MDFIC2: variants seen among roughly 807,000 people sequenced by gnomAD.
MDFIC2 encodes the protein MyoD family inhibitor domain containing 2, also known as myoD family inhibitor domain-containing protein 2.
At position 70,197,095 on chromosome 3, in the gene MDFIC2, G is replaced by T; in HGVS notation, c.401C>A (p.Thr134Asn). 2.5e-6 allele frequency: 1 copy of T among 398,562 alleles called. No homozygotes were observed. The allele number at this position is 398,562 out of a possible 1,614,324, so 24.7% of individuals were successfully genotyped here. The change falls in exon 4 of 4, where the codon ACC becomes AAC. Residue 134 changes from threonine (T) to asparagine (N), a missense_variant. Coordinates refer to ENST00000567252, the MANE Select transcript of MDFIC2 (RefSeq NM_001364677.1). ...CCGGCGAGAGGGGCAGCACATTTTG[G>T]TACACACCGTTTCGCAGGTGCCGGG... Reference protein sequence around the residue: ...MLPGTCETVCTKMCCPSRRYH... With the variant: ...MLPGTCETVCNKMCCPSRRYH...
chr3:70,229,103 T>G (rs969676524), intron 2 of MDFIC2, among the ~76,000 whole-genome samples: 1 of 152,208 alleles, frequency 6.6e-6, no homozygotes, highest in African/African-American at 2.4e-5. Flanking sequence ...TGAGGAAGAA[T>G]AGAAAGGATG....
intron 2 of MDFIC2, among the ~76,000 whole-genome samples, chr3:70,288,467 C>G (rs1158557974): frequency 2.6e-5 from 4 of 151,184 alleles, no homozygotes; most frequent in Non-Finnish European, 4.4e-5. Flanking sequence ...CTGAGGAGAA[C>G]TTTACTTCCA....
At chr3:70,250,895 G>A (rs1701759027) in intron 2 of MDFIC2, among the ~76,000 whole-genome samples, 1 of 152,078 alleles carries the variant, frequency 6.6e-6, no homozygotes, top group Admixed American at 6.6e-5. Flanking sequence ...AAAATATATA[G>A]TACATTTGGC....
chr3:70,302,384 T>A (rs892259024), intron 2 of MDFIC2, among the ~76,000 whole-genome samples: 1 of 152,156 alleles, frequency 6.6e-6, no homozygotes, highest in African/African-American at 2.4e-5. Context: ...AAGTAAAGTA[T>A]CTCTTTGTAG....
At chr3:70,272,706 A>G (rs1015097) in intron 2 of MDFIC2, among the ~76,000 whole-genome samples, 59,398 of 152,120 alleles carry the variant, frequency 0.39, 11,902 homozygotes, top group East Asian at 0.61. Context: ...GATTTTAGAT[A>G]GAGTACATTG....
chr3:70,216,997 T>C (rs1270683224), intron 2 of MDFIC2, among the ~76,000 whole-genome samples: 1 of 152,160 alleles, frequency 6.6e-6, no homozygotes, highest in African/African-American at 2.4e-5. Flanking sequence ...TTTAATCTCA[T>C]AGCCCTGATC....
At chr3:70,303,446 G>A (rs570608899) in intron 2 of MDFIC2, among the ~76,000 whole-genome samples, 96 of 152,222 alleles carry the variant, frequency 6.3e-4, no homozygotes, top group Admixed American at 1.9e-3. Context: ...CAGAAGTGGC[G>A]ATCTGAATGT....
At chr3:70,206,423 T>G (rs1701291286) in intron 3 of MDFIC2, 146 bp downstream of exon 3, 1 of 393,070 alleles carries the variant, frequency 2.5e-6, no homozygotes, top group South Asian at 1.4e-4. Flanking sequence ...CCTTGACATA[T>G]GTCATTCACC....
chr3:70,207,270 CAT>C (rs1055604927), intron 2 of MDFIC2, among the ~76,000 whole-genome samples: 4 of 151,986 alleles, frequency 2.6e-5, no homozygotes, highest in African/African-American at 9.7e-5. Context: ...AAGAAAAATG[CAT>C]ATAAATGAAT....
chr3:70,226,701 C>T (rs1446872694), intron 2 of MDFIC2, among the ~76,000 whole-genome samples: 1 of 149,210 alleles, frequency 6.7e-6, no homozygotes, highest in East Asian at 2.0e-4. Flanking sequence ...TCGTGCCACT[C>T]CACTCCAGCC....
intron 2 of MDFIC2, among the ~76,000 whole-genome samples, chr3:70,242,083 C>A (rs1334868740): frequency 6.6e-6 from 1 of 152,088 alleles, no homozygotes; most frequent in East Asian, 1.9e-4. Flanking sequence ...AGGGTAAGGG[C>A]CAATGATGTG....
At chr3:70,210,460 T>C (rs1160866215) in intron 2 of MDFIC2, among the ~76,000 whole-genome samples, 1 of 152,104 alleles carries the variant, frequency 6.6e-6, no homozygotes, top group Non-Finnish European at 1.5e-5. Context: ...GTCACAATTT[T>C]TGGGTGAATG....
intron 2 of MDFIC2, among the ~76,000 whole-genome samples, chr3:70,289,808 T>G (rs1310101639): frequency 6.6e-6 from 1 of 152,118 alleles, no homozygotes; most frequent in East Asian, 1.9e-4. Flanking sequence ...ATTTCATTCA[T>G]TTCATCTTCC....
At chr3:70,276,700 TTTTG>T (rs1470281121) in intron 2 of MDFIC2, among the ~76,000 whole-genome samples, 36 of 152,330 alleles carry the variant, frequency 2.4e-4, no homozygotes, top group Admixed American at 1.3e-4. Flanking sequence ...GTAAGTCAAG[TTTTG>T]TTGGAACACA....
At chr3:70,206,846 G>C in intron 2 of MDFIC2, 56 bp from the exon 3 acceptor site, 1 of 396,666 alleles carries the variant, frequency 2.5e-6, no homozygotes, top group Non-Finnish European at 4.4e-6. Context: ...ACGTGACCTA[G>C]TGACCTAAGA....
intron 2 of MDFIC2, among the ~76,000 whole-genome samples, chr3:70,287,941 TTC>T (rs1393954242): frequency 1.3e-5 from 2 of 152,208 alleles, no homozygotes; most frequent in African/African-American, 4.8e-5. Context: ...TATTTGATTC[TTC>T]TCTCTTTTTT....
At chr3:70,277,767 A>T (rs549442651) in intron 2 of MDFIC2, among the ~76,000 whole-genome samples, 139 of 152,064 alleles carry the variant, frequency 9.1e-4, no homozygotes, top group Non-Finnish European at 1.7e-3. Context: ...ATGGGTGGGA[A>T]CTTGCTTAAT....
intron 2 of MDFIC2, among the ~76,000 whole-genome samples, chr3:70,274,582 G>A (rs996617376): frequency 6.6e-6 from 1 of 152,044 alleles, no homozygotes; most frequent in Non-Finnish European, 1.5e-5. Context: ...TGAACAATGA[G>A]GACACATGGA....
At chr3:70,290,307 G>T (rs1183847267) in intron 2 of MDFIC2, among the ~76,000 whole-genome samples, 2 of 151,778 alleles carry the variant, frequency 1.3e-5, no homozygotes, top group African/African-American at 4.8e-5. Flanking sequence ...AGGTCTGTTG[G>T]AGTACCCTGC....
Sources: gnomAD v4.1 joint callset for allele counts (sites outside exome capture counted in the v4.1 genomes callset) on GRCh38, gnomAD v4.1.1 for gene constraint, MANE v1.5 for transcripts, NCBI Gene and HGNC (gene_info 2026-07-23, HGNC 2026-07-21) for gene names.